The following CREBBP variants were observed in gnomAD, a reference collection of about 807,000 sequenced individuals.
The protein encoded by CREBBP is CREB-binding protein.
A neutral mutation model predicts 265.0 loss-of-function variants in CREBBP; 19 were observed. The ratio of observed to expected loss-of-function variants is 0.07; its 90% CI spans 0.05 to 0.11. The LOEUF (loss-of-function observed/expected upper bound fraction) is 0.11. Ranked by LOEUF, CREBBP falls within the 10% of genes least tolerant of loss-of-function variation. The pLI is 1.00. For synonymous variants in CREBBP, 1,457 were observed against 1,223.7 expected, an observed-to-expected ratio of 1.19 and a Z score of -3.98; for missense variants, 2,525 against 3,219.0, an observed-to-expected ratio of 0.78 and a Z score of 5.22.
chr16:3,863,037 G>A (rs985929452), intron 1 of CREBBP, among the ~76,000 whole-genome samples: 5 of 152,062 alleles, frequency 3.3e-5, no homozygotes, highest in African/African-American at 7.2e-5. Context: ...ATCAAGCTAT[G>A]GTATCAGGTT....
At chr16:3,856,930 A>C (rs2054976299) in intron 1 of CREBBP, among the ~76,000 whole-genome samples, 1 of 152,194 alleles carries the variant, frequency 6.6e-6, no homozygotes, top group African/African-American at 2.4e-5. Context: ...ACTTAGTGAA[A>C]CCCAGGGCAG....
At chr16:3,874,017 C>T (rs370498751) in intron 1 of CREBBP, among the ~76,000 whole-genome samples, 6 of 152,144 alleles carry the variant, frequency 3.9e-5, no homozygotes, top group Non-Finnish European at 7.3e-5. Flanking sequence ...TTCTTACTGA[C>T]GCTCACCTTC....
chr16:3,735,104 C>T (rs796383552), intron 28 of CREBBP, among the ~76,000 whole-genome samples: 1 of 152,192 alleles, frequency 6.6e-6, no homozygotes, highest in Non-Finnish European at 1.5e-5. Flanking sequence ...CCGCACACAG[C>T]GCGCCTCCTC....
At chr16:3,877,576 G>GT (rs2055429648) in intron 1 of CREBBP, among the ~76,000 whole-genome samples, 1 of 152,194 alleles carries the variant, frequency 6.6e-6, no homozygotes, top group African/African-American at 2.4e-5. Flanking sequence ...CTATGTTTTT[G>GT]TATTTTGAGT....
chr16:3,812,278 A>G (rs1484940976), intron 2 of CREBBP, among the ~76,000 whole-genome samples: 1 of 152,010 alleles, frequency 6.6e-6, no homozygotes. Flanking sequence ...TCCCAGGTTC[A>G]AGCAATTCTC....
chr16:3,789,164 C>T (rs190505672), intron 5 of CREBBP, among the ~76,000 whole-genome samples: 65 of 152,310 alleles, frequency 4.3e-4, no homozygotes, highest in Non-Finnish European at 7.5e-4. Flanking sequence ...GTGGGAAACA[C>T]TGCCTAAAAA....
chr16:3,729,019 C>G lies in CREBBP; in HGVS notation c.6028G>C (p.Gly2010Arg), dbSNP rs751739281. The change falls in exon 31 of 31, where the codon GGG (glycine) becomes CGG (arginine). Residue 2010 changes from glycine (G) to arginine (R), a missense_variant. By Grantham distance (125) the Gly-to-Arg change is moderately radical (BLOSUM62 -2). Transcript: ENST00000262367. Reference sequence around the variant, plus strand: ...GGAGGCATGCTGGGCATGACGGGCCCGCTCACCTGGTTGGGTCGGGGCACA... The same window carrying G: ...GGAGGCATGCTGGGCATGACGGGCCGGCTCACCTGGTTGGGTCGGGGCACA... ...LNVPRPNQVS[G>R]PVMPSMPPGQ... 6.3e-7 allele frequency: 1 copy of G among 1,591,460 alleles called. No homozygotes were observed.
At position 3,790,515 on chromosome 16, in the gene CREBBP, C is replaced by T. The variant is rs575833644; in HGVS notation, c.1330+1466G>A. 1.2e-4 allele frequency among the ~76,000 whole-genome samples: 18 copies of T among 152,130 alleles called. 1 individual carries two copies. The South Asian group carries it at 2.9e-3, about 25-fold the overall frequency. On this transcript the variant is annotated intron_variant, in intron 5 of 30. Transcript: ENST00000262367. ...TCAGCCTCCCAAGTAGCTGGAATTA[C>T]AGGCATGCGCCACCACGCCCGGCTA... is the stretch of plus-strand genomic sequence containing the variant.
In CREBBP at chr16:3,729,488, C is replaced by T. The variant is rs2151309918; in HGVS notation, c.5559G>A (p.Gln1853=). Residue 1853 remains glutamine, a synonymous_variant, in exon 31 of 31, where the codon CAG becomes CAA. Coordinates refer to ENST00000262367, the MANE Select transcript of CREBBP (RefSeq NM_004380.3). ...CCTGCTGCAGGCGGTGCTGGATCTG[C>T]TGCTGGCGGAGCTTGTGTTTGATGT... The part of the protein sequence containing the change: ...CLNIKHKLRQ[Q]QIQHRLQQAQ... 2 of 1,614,166 alleles carry T rather than the reference C, an allele frequency of 1.2e-6. No individual in the cohort carries two copies. Among genetic ancestry groups the T allele is most frequent in the Non-Finnish European group, 1.7e-6 (2 of 1,180,014 alleles).
chr16:3,847,762 A>C (rs1445121913), intron 2 of CREBBP, among the ~76,000 whole-genome samples: 2 of 152,240 alleles, frequency 1.3e-5, no homozygotes, highest in East Asian at 1.9e-4. Context: ...AGCAGACAAC[A>C]ACCAAAACAT....
chr16:3,732,472 C>T (rs568958117), intron 28 of CREBBP, among the ~76,000 whole-genome samples: 53 of 152,348 alleles, frequency 3.5e-4, no homozygotes, highest in Non-Finnish European at 6.2e-4. Flanking sequence ...AGTGCTGCGC[C>T]TGACTGGCTG....
Position 3,765,973 on chromosome 16 carries a change from T to G in CREBBP, c.3250+1747A>C, listed in dbSNP as rs572459429. Among the ~76,000 whole-genome samples the G allele has an allele frequency of 4.6e-5, 7 of 152,268 alleles. No homozygotes were observed. In the South Asian group the frequency reaches 1.5e-3, roughly 32 times the overall value. The stretch of plus-strand genomic sequence containing the variant: ...TCCCAAAATGCTGAGATTACGGGTG[T>G]GAGCCACCATGCACGCCCTGCTTTT... On this transcript the variant is annotated intron_variant, in intron 16 of 30. Transcript: ENST00000262367.
At position 3,728,408 on chromosome 16, in the gene CREBBP, C is replaced by CTGCTGT. The variant is rs768299710; in HGVS notation, c.6633_6638dup (p.Gln2215_Gln2216dup). On this transcript the variant is annotated inframe_insertion, in exon 31 of 31. Transcript: ENST00000262367. The surrounding 1 kb of genome is among the most constrained non-coding windows in gnomAD (Gnocchi z 8.7). Reference sequence around the variant, plus strand: ...CCATGCCGGCACTCCCTTGCTGCTGCTGCTGTTGCTGCTGTTGTTGCTGCT... The same window carrying CTGCTGT: ...CCATGCCGGCACTCCCTTGCTGCTGCTGCTGTTGCTGTTGCTGCTGTTGTTGCTGCT... 1.9e-6 allele frequency: 3 copies of CTGCTGT among 1,613,240 alleles called. No individual in the cohort carries two copies. Among genetic ancestry groups the CTGCTGT allele is most frequent in the Non-Finnish European group, 1.7e-6 (2 of 1,179,642 alleles).
intron 3 of CREBBP, among the ~76,000 whole-genome samples, chr16:3,806,312 G>T (rs2053829394): frequency 6.6e-6 from 1 of 152,122 alleles, no homozygotes; most frequent in Non-Finnish European, 1.5e-5. Context: ...CGTGGGCCCT[G>T]TCCACAACCT....
At chr16:3,796,815 C>T (rs1476601248) in intron 3 of CREBBP, among the ~76,000 whole-genome samples, 1 of 152,192 alleles carries the variant, frequency 6.6e-6, no homozygotes, top group Non-Finnish European at 1.5e-5. Context: ...AGGACAAATG[C>T]ACAGTTTAAT....
chr16:3,841,322 T>C (rs376252429), intron 2 of CREBBP, among the ~76,000 whole-genome samples: 206 of 152,090 alleles, frequency 1.4e-3, no homozygotes, highest in African/African-American at 4.0e-3. Context: ...CACCGAGAAT[T>C]TGAAGCAAAG....
intron 1 of CREBBP, among the ~76,000 whole-genome samples, chr16:3,859,280 C>A (rs1409563468): frequency 6.6e-6 from 1 of 152,072 alleles, no homozygotes; most frequent in Non-Finnish European, 1.5e-5. Context: ...GCAGCCTCTA[C>A]TTCCCGGATT....
chr16:3,802,463 C>T (rs1019603896), intron 3 of CREBBP, among the ~76,000 whole-genome samples: 2 of 151,982 alleles, frequency 1.3e-5, no homozygotes, highest in Non-Finnish European at 2.9e-5. Flanking sequence ...ATCTAACATG[C>T]ATTTTTATTA....
At chr16:3,806,754 C>T (rs1365383109) in intron 3 of CREBBP, among the ~76,000 whole-genome samples, 1 of 152,130 alleles carries the variant, frequency 6.6e-6, no homozygotes, top group Non-Finnish European at 1.5e-5. Context: ...AAGCCGATGG[C>T]CCATCTTCCC....
Sources: gnomAD v4.1 joint callset for allele counts (sites outside exome capture counted in the v4.1 genomes callset) on GRCh38, gnomAD v4.1.1 for gene constraint, Gnocchi (gnomAD v3.1) non-coding constraint, MANE v1.5 for transcripts, NCBI Gene and HGNC (gene_info 2026-07-23, HGNC 2026-07-21) for gene names.